Variants in TPSG1 observed in about 807,000 individuals in gnomAD.
TPSG1 encodes the protein tryptase gamma 1, also known as tryptase gamma.
Under a neutral mutation model 23.8 loss-of-function variants are expected in TPSG1, and 43 were observed. The observed-to-expected ratio is 1.81, with a 90% CI of 1.42 to 2.33. The LOEUF (loss-of-function observed/expected upper bound fraction) is 2.33, where lower values mean the gene tolerates loss of function less well. Ranked by LOEUF, TPSG1 falls within the 30% of genes most tolerant of loss-of-function variation. TPSG1 has a pLI of 0.00. For missense variants in TPSG1, 623 were observed against 438.6 expected (o/e 1.42, Z -3.75); for synonymous variants, 302 against 201.3 (o/e 1.50, Z -4.23).
chr16:1,222,128 G>A (rs373131333), intron 5 of TPSG1, 32 bp from the exon 6 acceptor site: 34 of 1,612,202 alleles, frequency 2.1e-5, no homozygotes, highest in Middle Eastern at 1.7e-4. Context: ...ATTGGGAGCC[G>A]AGAAGATGGG....
chr16:1,222,159 G>C (rs771155781), intron 5 of TPSG1, 37 bp downstream of exon 5: 42 of 1,611,412 alleles, frequency 2.6e-5, no homozygotes, highest in Non-Finnish European at 3.0e-5. Context: ...CTGGGCTTCA[G>C]CCGCCCCCAT....
At position 1,224,538 on chromosome 16, in the gene TPSG1, C is replaced by T. The variant is rs371127548; in HGVS notation, c.73+64G>A. 1.3e-4 allele frequency: 212 copies of T among 1,605,648 alleles called. 1 individual carries two copies. The East Asian group carries it at 3.0e-3, about 23-fold the overall frequency. The stretch of plus-strand genomic sequence containing the variant: ...GGACCCCAGGGAAGGAGAGGGTCAC[C>T]GAGGCCCTCCTGCCAGGCCTTGCCT... On this transcript the variant is annotated intron_variant, in intron 2 of 5. Transcript: ENST00000234798.
Position 1,225,234 on chromosome 16 carries a change from C to G in TPSG1, c.19G>C (p.Gly7Arg). The G allele has an allele frequency of 6.3e-7, 1 of 1,577,946 alleles. No individual in the cohort carries two copies. Among genetic ancestry groups the G allele is most frequent in the Non-Finnish European group, 8.6e-7 (1 of 1,162,076 alleles). The change falls in exon 1 of 6, where the codon GGC becomes CGC. Residue 7 changes from glycine to arginine, a missense_variant. Gly to Arg is a moderately radical substitution (Grantham distance 125). Coordinates refer to ENST00000234798, the MANE Select transcript of TPSG1 (RefSeq NM_012467.4). ...GGCACAGCCAGGAGCAGCAGGAGGC[C>G]ACAGGCCCCAAGGGCCATGGTGTCT... MALGAC[G>R]LLLLLAVPGV... is the part of the protein sequence containing the mutation.
intron 3 of TPSG1, 70 bp from the exon 4 acceptor site, chr16:1,222,987 G>C: frequency 3.4e-6 from 5 of 1,485,012 alleles, no homozygotes; most frequent in South Asian, 1.4e-5. Context: ...GCCCCGCCCA[G>C]ACCCTACCCT....
At chr16:1,224,776 C>T in intron 1 of TPSG1, 148 bp from the exon 2 acceptor site, 1 of 939,174 alleles carries the variant, frequency 1.1e-6, no homozygotes, top group Non-Finnish European at 1.6e-6. Flanking sequence ...GCTGGGTCAA[C>T]TGCTGTCTCA....
Position 1,222,026 on chromosome 16 carries a change from C to A in TPSG1, c.728G>T (p.Gly243Val). The A allele has an allele frequency of 6.2e-7, 1 of 1,612,762 alleles. No homozygotes were observed. The highest frequency in any genetic ancestry group is 8.5e-7 in the Non-Finnish European group (1 of 1,179,978). The change falls in exon 6 of 6, where the codon GGT becomes GTT. Residue 243 changes from glycine (G) to valine (V), a missense_variant. Transcript: ENST00000234798. Reference protein sequence around the residue: ...AWVQAGTVSWGEGCGRPNRPG... With the variant: ...AWVQAGTVSWVEGCGRPNRPG... ...CCTGTTGGGGCGGCCGCAGCCCTCA[C>A]CCCAGCTCACAGTGCCAGCCTGCAC... is the stretch of plus-strand genomic sequence containing the variant.
chr16:1,225,172 C>A, intron 1 of TPSG1, 35 bp downstream of exon 1: 1 of 1,552,672 alleles, frequency 6.4e-7, no homozygotes, highest in Non-Finnish European at 8.7e-7. Flanking sequence ...GAAGCAGATG[C>A]CCCCCCATCC....
chr16:1,224,473 A>T, intron 2 of TPSG1, 129 bp downstream of exon 2: 1 of 1,255,026 alleles, frequency 8.0e-7, no homozygotes, highest in African/African-American at 1.5e-5. Context: ...TGCGAGCAGA[A>T]ACCACGGCGA....
chr16:1,224,841 G>T, intron 1 of TPSG1: 1 of 633,686 alleles, frequency 1.6e-6, no homozygotes, highest in Admixed American at 3.0e-5. Context: ...GCTGGAGGCC[G>T]GGAGCTTGGC....
Position 1,223,585 on chromosome 16 carries a change from C to CG in TPSG1, c.82dup (p.Arg28ProfsTer125). ...GCCGCCTGCATCCGAAACCTGCGGC[C>CG]GGCCACACCCTAAGTCGAAGGAGGA... On this transcript the variant is annotated frameshift_variant, in exon 3 of 6. Transcript: ENST00000234798. LOFTEE classifies it high-confidence loss of function. 9 of 1,541,188 alleles carry CG rather than the reference C, an allele frequency of 5.8e-6. No individual in the cohort carries two copies. Among genetic ancestry groups the CG allele is most frequent in the Non-Finnish European group, 7.9e-6 (9 of 1,145,870 alleles).
rs777903713 is a variant in TPSG1 at position 1,222,844 on chromosome 16, C to T, written c.319G>A (p.Val107Met). Reference protein sequence around the residue: ...EITLSPHFSTVRQIILHSSPS... With the variant: ...EITLSPHFSTMRQIILHSSPS... ...CTGGAGTGCAGGATGATCTGCCTCA[C>T]GGTGGAGAAGTGGGGAGACAGAGTG... Residue 107 changes from valine (V) to methionine (M), a missense_variant, in exon 4 of 6, where the codon GTG (valine) becomes ATG (methionine). By Grantham distance (21) the Val-to-Met change is conservative (BLOSUM62 1). Coordinates refer to ENST00000234798, the MANE Select transcript of TPSG1 (RefSeq NM_012467.4). 1.1e-5 allele frequency: 18 copies of T among 1,611,232 alleles called. No individual in the cohort carries two copies. Among genetic ancestry groups the T allele is most frequent in the African/African-American group, 8.0e-5 (6 of 74,902 alleles).
At chr16:1,223,378 T>G (rs2029939019) in intron 3 of TPSG1, 45 bp downstream of exon 3, 3 of 1,529,174 alleles carry the variant, frequency 2.0e-6, no homozygotes, top group South Asian at 1.2e-5. Flanking sequence ...CATGCCCCAC[T>G]GGGGCCTGGA....
At position 1,223,551 on chromosome 16, in the gene TPSG1, C is replaced by T. The variant is rs1283477309; in HGVS notation, c.117G>A (p.Val39=). ...PQVSDAGGRI[V]GGHAAPAGAW... is the part of the protein sequence containing the mutation. ...CGCCGGCCGGGGCAGCGTGACCCCC[C>T]ACGATCCGGCCGCCTGCATCCGAAA... is the stretch of plus-strand genomic sequence containing the variant. The change falls in exon 3 of 6, where the codon GTG becomes GTA. Residue 39 remains valine (V), a synonymous_variant. Coordinates refer to ENST00000234798, the MANE Select transcript of TPSG1 (RefSeq NM_012467.4). The T allele has an allele frequency of 1.3e-6, 2 of 1,546,690 alleles. No homozygotes were observed. The highest frequency in any genetic ancestry group is 2.4e-5 in the East Asian group (1 of 41,034).
chr16:1,225,211 C>A lies in TPSG1; in HGVS notation c.42G>T (p.Val14=). ...CACCCAGGCCAGGTCACCCACCGGG[C>A]ACAGCCAGGAGCAGCAGGAGGCCAC... is the stretch of plus-strand genomic sequence containing the variant. ...GACGLLLLLA[V]PGVSLRTLQP... The change falls in exon 1 of 6, where the codon GTG becomes GTT. Residue 14 remains valine (V), a synonymous_variant. Transcript: ENST00000234798. 6.3e-7 allele frequency: 1 copy of A among 1,577,928 alleles called. No homozygotes were observed. The highest frequency in any genetic ancestry group is 2.3e-5 in the East Asian group (1 of 43,266).
chr16:1,224,797 G>A (rs1207577206), intron 1 of TPSG1, 169 bp from the exon 2 acceptor site: 3 of 801,882 alleles, frequency 3.7e-6, no homozygotes, highest in East Asian at 5.4e-5. Flanking sequence ...CTGGCCCAGG[G>A]CTGGGTGGGA....
chr16:1,223,629 TCCC>T, intron 2 of TPSG1, 35 bp from the exon 3 acceptor site: 1 of 1,524,870 alleles, frequency 6.6e-7, no homozygotes, highest in Non-Finnish European at 8.8e-7. Context: ...CTGGTGGGGA[TCCC>T]AAGAAACCCA....
Position 1,222,767 on chromosome 16 carries a change from A to G in TPSG1, c.396T>C (p.Ser132=). ...TSGDIALVEL[S]VPVTLSSRIL... is the part of the protein sequence containing the mutation. Reference sequence around the variant, plus strand: ...TCCGGCTGGAGAGGGTCACGGGGACACTGAGCTCCACCAGGGCGATGTCCC... The same window carrying G: ...TCCGGCTGGAGAGGGTCACGGGGACGCTGAGCTCCACCAGGGCGATGTCCC... The change falls in exon 4 of 6, where the codon AGT becomes AGC. Residue 132 remains serine (S), a synonymous_variant. Transcript: ENST00000234798. 1 of 1,612,322 alleles carries G rather than the reference A, an allele frequency of 6.2e-7. No individual in the cohort carries two copies. Among genetic ancestry groups the G allele is most frequent in the Non-Finnish European group, 8.5e-7 (1 of 1,179,752 alleles).
In TPSG1 at chr16:1,223,453, C is replaced by A. The variant is rs1013207920; in HGVS notation, c.215G>T (p.Trp72Leu). 1 of 1,588,938 alleles carries A rather than the reference C, an allele frequency of 6.3e-7. No individual in the cohort carries two copies. The highest frequency in any genetic ancestry group is 8.5e-7 in the Non-Finnish European group (1 of 1,170,042). The change falls in exon 3 of 6, where the codon TGG (tryptophan) becomes TTG (leucine). Residue 72 changes from tryptophan (W) to leucine (L), a missense_variant. Physicochemically the swap from Trp to Leu is moderately conservative, Grantham distance 61. Transcript: ENST00000234798. Reference protein sequence around the residue: ...VCGGSLLSPQWVLTAAHCFSG... With the variant: ...VCGGSLLSPQLVLTAAHCFSG... Reference sequence around the variant, plus strand: ...GAAGCAGTGGGCAGCTGTGAGCACCCACTGGGGGCTGAGCAGTGACCCGCC... The same window carrying A: ...GAAGCAGTGGGCAGCTGTGAGCACCAACTGGGGGCTGAGCAGTGACCCGCC...
intron 3 of TPSG1, among the ~76,000 whole-genome samples, 160 bp downstream of exon 3, chr16:1,223,263 C>CA (rs1272946899): frequency 1.3e-5 from 2 of 152,248 alleles, no homozygotes; most frequent in Non-Finnish European, 2.9e-5. Flanking sequence ...CAGAACCTCA[C>CA]AGAAGGTGGG....
Sources: gnomAD v4.1 joint callset for allele counts (sites outside exome capture counted in the v4.1 genomes callset) on GRCh38, gnomAD v4.1.1 for gene constraint, MANE v1.5 for transcripts, NCBI Gene and HGNC (gene_info 2026-07-23, HGNC 2026-07-21) for gene names.